The following MICAL3 variants were observed in gnomAD, a reference collection of about 807,000 sequenced individuals.
MICAL3 encodes the protein [F-actin]-monooxygenase MICAL3.
In MICAL3, 62 loss-of-function variants were observed where a neutral mutation model predicts 207.4. The ratio of observed to expected loss-of-function variants is 0.30; its 90% confidence interval spans 0.24 to 0.37. The LOEUF (loss-of-function observed/expected upper bound fraction) is 0.37, where lower values mean the gene tolerates loss of function less well. Ranked by LOEUF, MICAL3 falls within the 10% of genes least tolerant of loss-of-function variation. The pLI, the probability that MICAL3 is intolerant of heterozygous loss-of-function variation, is 1.00. For synonymous variants in MICAL3, 1,077 were observed against 1,069.3 expected (o/e 1.01, Z -0.14); for missense variants, 2,368 against 2,635.6 (o/e 0.90, Z 2.22).
chr22:17,833,808 TTAGTATTGCTC>T (rs1923064811), intron 20 of MICAL3, among the ~76,000 whole-genome samples: 1 of 152,196 alleles, frequency 6.6e-6, no homozygotes, highest in African/African-American at 2.4e-5. Context: ...ACACAGGGTC[TTAGTATTGCTC>T]AGGTGAGCAA....
chr22:17,865,963 T>C lies in MICAL3; in HGVS notation c.2478A>G (p.Ala826=). 6.2e-7 allele frequency: 1 copy of C among 1,614,010 alleles called. No homozygotes were observed. The part of the protein sequence containing the change: ...PHYCYRLSGY[A]QRKRPAVAPL... ...GAGCCACTGCCGGTCTCTTCCTTTG[T>C]GCGTAGCCAGAGAGTCGATAGCAGT... Residue 826 remains alanine, a synonymous_variant, in exon 18 of 32, where the codon GCA becomes GCG. Coordinates refer to ENST00000441493, the MANE Select transcript of MICAL3 (RefSeq NM_015241.3).
In MICAL3 at chr22:17,983,286, C is replaced by G. The variant is rs28420640; in HGVS notation, c.-75+40995G>C. ...TTTCCCTGGGACCCTCCCTGCACCC[C>G]CCTAGGCTGGCTTTGGCCCTTGGCT... On this transcript the variant is annotated intron_variant, in intron 1 of 31. Coordinates refer to ENST00000441493, the MANE Select transcript of MICAL3 (RefSeq NM_015241.3). 689 of 152,438 alleles carry G rather than the reference C, an allele frequency of 4.5e-3. 6 individuals carry two copies. The highest frequency in any genetic ancestry group is 0.016 in the African/African-American group (652 of 41,524). 9.4% of individuals were successfully genotyped at this position (152,438 alleles called of 1,614,324 possible).
At chr22:17,834,048 T>C (rs1220195768) in intron 20 of MICAL3, among the ~76,000 whole-genome samples, 1 of 152,188 alleles carries the variant, frequency 6.6e-6, no homozygotes, top group Non-Finnish European at 1.5e-5. Context: ...CTATCAAACC[T>C]GTGGGTGATT....
chr22:17,855,913 G>GACA (rs1232676504), intron 19 of MICAL3, among the ~76,000 whole-genome samples: 1 of 152,228 alleles, frequency 6.6e-6, no homozygotes, highest in Non-Finnish European at 1.5e-5. Flanking sequence ...ATGATGAAGG[G>GACA]CAGCTCCTGT....
At chr22:17,850,807 T>C (rs996530357) in intron 19 of MICAL3, among the ~76,000 whole-genome samples, 1 of 152,152 alleles carries the variant, frequency 6.6e-6, no homozygotes, top group Non-Finnish European at 1.5e-5. Flanking sequence ...TACACATCAA[T>C]GTATCTGGTC....
chr22:17,895,109 A>G (rs1444819256), intron 10 of MICAL3, among the ~76,000 whole-genome samples, 175 bp downstream of exon 10: 1 of 152,200 alleles, frequency 6.6e-6, no homozygotes, highest in Non-Finnish European at 1.5e-5. Flanking sequence ...TTAGCTCTCA[A>G]TCTGTTGATG....
At chr22:17,925,345 C>T (rs1569134960) in intron 1 of MICAL3, among the ~76,000 whole-genome samples, 1 of 152,204 alleles carries the variant, frequency 6.6e-6, no homozygotes, top group African/African-American at 2.4e-5. Flanking sequence ...TTCTATACCA[C>T]TTGATTGCAG....
chr22:17,974,723 TAAAA>T (rs5844339), intron 1 of MICAL3, among the ~76,000 whole-genome samples: 16 of 106,104 alleles, frequency 1.5e-4, no homozygotes, highest in African/African-American at 3.7e-4. Context: ...GACTCCGTCT[TAAAA>T]AAAAAAAAAA....
At chr22:17,883,654 A>G (rs1293257824) in intron 16 of MICAL3, among the ~76,000 whole-genome samples, 1 of 152,240 alleles carries the variant, frequency 6.6e-6, no homozygotes, top group Non-Finnish European at 1.5e-5. Context: ...TAGAAAGCGC[A>G]TGCCATCACC....
chr22:17,829,756 G>A (rs1922595845), intron 21 of MICAL3, among the ~76,000 whole-genome samples: 1 of 152,202 alleles, frequency 6.6e-6, no homozygotes, highest in African/African-American at 2.4e-5. Context: ...ATCAGAGAAG[G>A]AGCCAAGTCT....
At chr22:18,023,782 C>G (rs550304568) in intron 1 of MICAL3, among the ~76,000 whole-genome samples, 1 of 152,362 alleles carries the variant, frequency 6.6e-6, no homozygotes, top group South Asian at 2.1e-4. Flanking sequence ...GGCCCCTCTG[C>G]CGCAGGGAAA....
intron 16 of MICAL3, among the ~76,000 whole-genome samples, chr22:17,880,325 G>A (rs967018093): frequency 1.3e-5 from 2 of 152,240 alleles, no homozygotes; most frequent in Admixed American, 6.5e-5. Flanking sequence ...GTTACTGTGA[G>A]AACTGACGGA....
rs992552660 is a variant in MICAL3, at chr22:17,931,572, G to A, written c.-74-24686C>T. Among the ~76,000 whole-genome samples the A allele has an allele frequency of 2.2e-4, 34 of 152,208 alleles. 1 individual carries two copies. Among genetic ancestry groups the A allele is most frequent in the Non-Finnish European group, 1.6e-4 (11 of 68,028 alleles). On this transcript the variant is annotated intron_variant, in intron 1 of 31. Transcript: ENST00000441493. ...CTACCAGCAAGCTACCAACTCCGTG[G>A]AACCAGGTCCAGAGTGACTTGTCCC...
rs778341403 is a variant in MICAL3, at chr22:17,818,406, GCTC to G, written c.4252_4254del (p.Glu1418del). The G allele has an allele frequency of 1.9e-6, 3 of 1,611,436 alleles. No homozygotes were observed. The highest frequency in any genetic ancestry group is 2.5e-6 in the Non-Finnish European group (3 of 1,179,794). ...CCAGAGCTGCTGGACAGCTCCCTGC[GCTC>G]CTCCTGGGCGCTGCGTAGCTCTCTG... On this transcript the variant is annotated inframe_deletion, in exon 26 of 32. Transcript: ENST00000441493.
At chr22:17,949,743 C>T (rs1432824231) in intron 1 of MICAL3, among the ~76,000 whole-genome samples, 5 of 152,186 alleles carry the variant, frequency 3.3e-5, no homozygotes, top group South Asian at 2.1e-4. Flanking sequence ...AAACAAAAGA[C>T]GGATCTGTAA....
At chr22:17,894,105 T>C (rs557858254) in intron 10 of MICAL3, among the ~76,000 whole-genome samples, 1 of 152,290 alleles carries the variant, frequency 6.6e-6, no homozygotes, top group East Asian at 1.9e-4. Context: ...ACTGTGGGAC[T>C]TTGTGCTAGA....
chr22:17,798,924 C>T (rs1048074335), intron 29 of MICAL3, among the ~76,000 whole-genome samples: 6 of 151,932 alleles, frequency 3.9e-5, no homozygotes, highest in Admixed American at 6.6e-5. Context: ...CTGCCCGCCT[C>T]GGCCTCCCAA....
At chr22:17,905,984 A>C (rs753444586) in intron 2 of MICAL3, among the ~76,000 whole-genome samples, 11 of 152,216 alleles carry the variant, frequency 7.2e-5, no homozygotes, top group Non-Finnish European at 1.3e-4. Flanking sequence ...AAGTTCGCAA[A>C]CAGTATACCT....
intron 19 of MICAL3, chr22:17,862,591 G>T (rs1355597100): frequency 1.0e-6 from 1 of 985,258 alleles, no homozygotes; most frequent in Non-Finnish European, 1.2e-6. Flanking sequence ...TTTTCAAAAG[G>T]AAGTCTAGTT....
Sources: gnomAD v4.1 joint callset for allele counts (sites outside exome capture counted in the v4.1 genomes callset) on GRCh38, gnomAD v4.1.1 for gene constraint, MANE v1.5 for transcripts, NCBI Gene and HGNC (gene_info 2026-07-23, HGNC 2026-07-21) for gene names.